Variants in TEX2 observed in about 807,000 individuals in gnomAD.
TEX2 encodes the protein testis expressed 2.
TEX2 carries 53 observed loss-of-function variants against 106.9 expected under a neutral mutation model. That is an observed-to-expected ratio of 0.50 (90% CI 0.40 to 0.62). TEX2 has a LOEUF of 0.62. Ranked by LOEUF, TEX2 falls within the 20% of genes least tolerant of loss-of-function variation. TEX2 has a pLI of 0.00. For missense variants in TEX2, 1,207 were observed against 1,379.0 expected, an observed-to-expected ratio of 0.88 and a Z score of 1.98; for synonymous variants, 523 against 534.8, an observed-to-expected ratio of 0.98 and a Z score of 0.30.
intron 5 of TEX2, among the ~76,000 whole-genome samples, chr17:64,179,623 G>T (rs1290494622): frequency 1.3e-5 from 2 of 152,122 alleles, no homozygotes; most frequent in Non-Finnish European, 2.9e-5. Context: ...CACATACATT[G>T]CCACAGCCTG....
At position 64,227,219 on chromosome 17, in the gene TEX2, C is replaced by T. The variant is rs1187343197; in HGVS notation, c.-25-12977G>A. Among the ~76,000 whole-genome samples the T allele has an allele frequency of 5.9e-5, 7 of 118,174 alleles. 1 individual carries two copies. Among genetic ancestry groups the T allele is most frequent in the African/African-American group, 2.0e-4 (7 of 35,302 alleles). The allele number at this position is 118,174 out of a possible 152,430, so 77.5% of individuals were successfully genotyped here. ...CCAGCCTGGTGACAGAGTGAGACTC[C>T]GTATCAAAAAAAAAAAAAAAGAAAA... On this transcript the variant is annotated intron_variant, in intron 1 of 11. Transcript: ENST00000584379.
At chr17:64,149,245 C>G in intron 11 of TEX2, 154 bp from the exon 12 acceptor site, 3 of 749,036 alleles carry the variant, frequency 4.0e-6, no homozygotes, top group Non-Finnish European at 4.2e-6. Flanking sequence ...ACCATACATA[C>G]TTTAGAAAGA....
chr17:64,229,790 T>C (rs960365363), intron 1 of TEX2, among the ~76,000 whole-genome samples: 4 of 152,208 alleles, frequency 2.6e-5, no homozygotes, highest in African/African-American at 9.7e-5. Context: ...CTGTAAAGCA[T>C]TGAATTTATT....
chr17:64,151,073 T>C, intron 10 of TEX2, 112 bp from the exon 11 acceptor site: 1 of 1,259,904 alleles, frequency 7.9e-7, no homozygotes, highest in Non-Finnish European at 1.1e-6. Flanking sequence ...TAAAATGTTA[T>C]TTTCTTCTGA....
chr17:64,183,878 G>A (rs568479197), intron 5 of TEX2, among the ~76,000 whole-genome samples: 5 of 152,048 alleles, frequency 3.3e-5, no homozygotes, highest in African/African-American at 1.2e-4. Flanking sequence ...TGATCCATTC[G>A]CCTCAGTCTC....
intron 1 of TEX2, among the ~76,000 whole-genome samples, chr17:64,252,887 T>G (rs1555637190): frequency 6.6e-6 from 1 of 151,496 alleles, no homozygotes; most frequent in Non-Finnish European, 1.5e-5. Flanking sequence ...GGGGTGGGGG[T>G]GAGGTAGGGA....
chr17:64,165,472 T>C (rs746951170), intron 7 of TEX2, among the ~76,000 whole-genome samples: 5 of 152,188 alleles, frequency 3.3e-5, no homozygotes, highest in Non-Finnish European at 7.4e-5. Context: ...GTGTTTTTCT[T>C]CCCGTAGCAC....
intron 4 of TEX2, among the ~76,000 whole-genome samples, chr17:64,189,123 T>C (rs2032202608): frequency 6.6e-6 from 1 of 152,200 alleles, no homozygotes; most frequent in Non-Finnish European, 1.5e-5. Context: ...ATGTCTTTCA[T>C]TCGACAAATT....
chr17:64,252,467 C>T (rs1023152614), intron 1 of TEX2, among the ~76,000 whole-genome samples: 1 of 151,988 alleles, frequency 6.6e-6, no homozygotes, highest in African/African-American at 2.4e-5. Flanking sequence ...CACCACCATG[C>T]CTAATTTTTA....
chr17:64,220,697 G>A (rs1215704493), intron 1 of TEX2, among the ~76,000 whole-genome samples: 2 of 152,154 alleles, frequency 1.3e-5, no homozygotes, highest in Admixed American at 1.3e-4. Context: ...AAAGTCAAGA[G>A]AAAACAGATG....
In TEX2 at chr17:64,159,539, C is replaced by T. The variant is rs370236183; in HGVS notation, c.2804+1262G>A. 1.3e-4 allele frequency among the ~76,000 whole-genome samples: 20 copies of T among 152,232 alleles called. No homozygotes were observed. The East Asian group carries it at 3.1e-3, about 24-fold the overall frequency. ...AAAGCCTCTTAACTACTCCTGGTGTCGGTTCTCTCAGGCTTTTATGTCCAA... is the reference window on the plus strand; with the variant it reads ...AAAGCCTCTTAACTACTCCTGGTGTTGGTTCTCTCAGGCTTTTATGTCCAA... On this transcript the variant is annotated intron_variant, in intron 8 of 11. Coordinates refer to ENST00000584379, the MANE Select transcript of TEX2 (RefSeq NM_001288732.2).
chr17:64,159,328 G>A (rs1349820191), intron 8 of TEX2, among the ~76,000 whole-genome samples: 31 of 152,124 alleles, frequency 2.0e-4, no homozygotes, highest in Non-Finnish European at 1.5e-5. Context: ...TTTCAAGACT[G>A]CTTCTGCTTC....
chr17:64,218,405 CTTT>C (rs10526886), intron 1 of TEX2, among the ~76,000 whole-genome samples: 182 of 120,592 alleles, frequency 1.5e-3, no homozygotes, highest in African/African-American at 4.9e-3. Flanking sequence ...GACACTTTCA[CTTT>C]TTTTTTTTTT....
At chr17:64,241,618 A>G (rs1203643812) in intron 1 of TEX2, among the ~76,000 whole-genome samples, 1 of 151,992 alleles carries the variant, frequency 6.6e-6, no homozygotes, top group Non-Finnish European at 1.5e-5. Context: ...CTCATCCCTT[A>G]TTATCTTTCT....
chr17:64,175,279 G>A (rs1567918187), intron 6 of TEX2, among the ~76,000 whole-genome samples: 1 of 152,168 alleles, frequency 6.6e-6, no homozygotes, highest in South Asian at 2.1e-4. Flanking sequence ...ATCAGGAGGC[G>A]GGTGGAGGGT....
intron 1 of TEX2, among the ~76,000 whole-genome samples, chr17:64,240,781 T>C (rs1442977777): frequency 6.6e-6 from 1 of 151,954 alleles, no homozygotes; most frequent in Non-Finnish European, 1.5e-5. Flanking sequence ...AGAGTAACAA[T>C]AGGGTATTGT....
At position 64,188,399 on chromosome 17, in the gene TEX2, G is replaced by A. The variant is rs2032163481; in HGVS notation, c.2193C>T (p.His731=). ...GCCCGGACGGACTGTTGTGTCTGCTGTGTGCAGGCAAAAGCCCTGGAGCCA... is the reference window on the plus strand; with the variant it reads ...GCCCGGACGGACTGTTGTGTCTGCTATGTGCAGGCAAAAGCCCTGGAGCCA... The part of the protein sequence containing the change: ...SGGKPGLLPA[H]SRHNSPSGHL... Residue 731 remains histidine (H), a synonymous_variant, in exon 5 of 12, where the codon CAC becomes CAT. Coordinates refer to ENST00000584379, the MANE Select transcript of TEX2 (RefSeq NM_001288732.2). 1.2e-6 allele frequency: 2 copies of A among 1,614,210 alleles called. No homozygotes were observed. Among genetic ancestry groups the A allele is most frequent in the Non-Finnish European group, 8.5e-7 (1 of 1,180,038 alleles).
rs2033079834 is a variant in TEX2, at chr17:64,213,496, T to C, written c.722A>G (p.Lys241Arg). ...DTVSYKPPDS[K>R]LNLHLFKQFT... ...CTGCTTGAACAGGTGTAAGTTCAGT[T>C]TGGAATCAGGTGGCTTATAGGACAC... The change falls in exon 2 of 12, where the codon AAA (lysine) becomes AGA (arginine). Residue 241 changes from lysine (K) to arginine (R), a missense_variant. Transcript: ENST00000584379. The surrounding 1 kb of genome is among the most constrained non-coding windows in gnomAD (Gnocchi z 4.4). The C allele has an allele frequency of 6.2e-7, 1 of 1,613,998 alleles. No homozygotes were observed. The highest frequency in any genetic ancestry group is 8.5e-7 in the Non-Finnish European group (1 of 1,179,996).
At chr17:64,168,973 T>A (rs1054785677) in intron 7 of TEX2, among the ~76,000 whole-genome samples, 2 of 146,400 alleles carry the variant, frequency 1.4e-5, no homozygotes, top group African/African-American at 5.1e-5. Flanking sequence ...TAGCTGGGAT[T>A]ACAGGCCAGG....
Sources: gnomAD v4.1 joint callset for allele counts (sites outside exome capture counted in the v4.1 genomes callset) on GRCh38, gnomAD v4.1.1 for gene constraint, Gnocchi (gnomAD v3.1) non-coding constraint, MANE v1.5 for transcripts, NCBI Gene and HGNC (gene_info 2026-07-23, HGNC 2026-07-21) for gene names.